ZDHHC17: variants seen among roughly 807,000 people sequenced by gnomAD.
ZDHHC17 encodes the protein zDHHC palmitoyltransferase 17, also known as palmitoyltransferase ZDHHC17.
ZDHHC17 carries 40 observed loss-of-function variants against 90.3 expected under a neutral mutation model. The ratio of observed to expected loss-of-function variants is 0.44; its 90% confidence interval spans 0.34 to 0.58. ZDHHC17 has a LOEUF of 0.58. ZDHHC17 is among the 20% of genes least tolerant of loss of function. The pLI, the probability that ZDHHC17 is intolerant of heterozygous loss-of-function variation, is 0.01. For missense variants in ZDHHC17, 614 were observed against 780.8 expected (o/e 0.79, Z 2.55); for synonymous variants, 235 against 252.4 (o/e 0.93, Z 0.65).
In ZDHHC17 at chr12:76,770,247, A is replaced by G. The variant is rs186689584; in HGVS notation, c.93+5918A>G. On this transcript the variant is annotated intron_variant, in intron 1 of 16. Coordinates refer to ENST00000426126, the MANE Select transcript of ZDHHC17 (RefSeq NM_015336.4). ...AAGTAGTACCTCAAATTGATAAACA[A>G]TTGTAGTATGCATATATTAGAGTGG... Among the ~76,000 whole-genome samples, 10 of 152,340 alleles carry G rather than the reference A, an allele frequency of 6.6e-5. No individual in the cohort carries two copies. The East Asian group carries it at 1.5e-3, about 24-fold the overall frequency.
At chr12:76,774,691 C>G (rs1351637450) in intron 1 of ZDHHC17, among the ~76,000 whole-genome samples, 3 of 152,196 alleles carry the variant, frequency 2.0e-5, no homozygotes, top group Non-Finnish European at 4.4e-5. Flanking sequence ...ACTTAATCTT[C>G]TGGGTACCTC....
chr12:76,834,776 T>A (rs998565269), intron 10 of ZDHHC17, among the ~76,000 whole-genome samples: 1 of 152,188 alleles, frequency 6.6e-6, no homozygotes, highest in Non-Finnish European at 1.5e-5. Context: ...TTCCCTCCAT[T>A]AGAGAGGTCC....
intron 14 of ZDHHC17, 44 bp from the exon 15 acceptor site, chr12:76,848,189 G>A (rs755830813): frequency 6.2e-7 from 1 of 1,605,396 alleles, no homozygotes; most frequent in Non-Finnish European, 8.5e-7. Context: ...TGAGGTGCTT[G>A]GATGATTATT....
At chr12:76,765,824 C>T (rs548413558) in intron 1 of ZDHHC17, among the ~76,000 whole-genome samples, 71 of 152,308 alleles carry the variant, frequency 4.7e-4, no homozygotes, top group African/African-American at 1.5e-3. Flanking sequence ...CCTCAGCCTC[C>T]TGAGTAGCTG....
intron 1 of ZDHHC17, among the ~76,000 whole-genome samples, chr12:76,796,929 T>C (rs893790374): frequency 4.6e-5 from 7 of 152,190 alleles, no homozygotes; most frequent in Non-Finnish European, 7.3e-5. Context: ...CTTGAGAATG[T>C]GTAAAATGGG....
intron 1 of ZDHHC17, among the ~76,000 whole-genome samples, chr12:76,765,755 C>T (rs1240422548): frequency 6.6e-6 from 1 of 152,232 alleles, no homozygotes; most frequent in Non-Finnish European, 1.5e-5. Flanking sequence ...GGCAGGAGTG[C>T]ACTGACACGA....
chr12:76,775,187 C>G (rs192295781), intron 1 of ZDHHC17, among the ~76,000 whole-genome samples: 163 of 152,242 alleles, frequency 1.1e-3, no homozygotes, highest in Middle Eastern at 0.01. Context: ...ATTTAAAGAG[C>G]ATTTTAGAAA....
At chr12:76,772,275 G>C (rs1210205142) in intron 1 of ZDHHC17, among the ~76,000 whole-genome samples, 2 of 152,128 alleles carry the variant, frequency 1.3e-5, no homozygotes, top group Non-Finnish European at 2.9e-5. Context: ...TTTGTGTTTT[G>C]TTTTTGAATT....
intron 1 of ZDHHC17, among the ~76,000 whole-genome samples, chr12:76,772,535 GTTTT>G (rs34950061): frequency 2.0e-5 from 2 of 98,584 alleles, no homozygotes. Context: ...CTTAACACTT[GTTTT>G]TTTTTTTTTT....
At chr12:76,848,137 T>C (rs1325479723) in intron 14 of ZDHHC17, 96 bp from the exon 15 acceptor site, 2 of 1,303,394 alleles carry the variant, frequency 1.5e-6, no homozygotes. Context: ...ATCTAGACTG[T>C]TTGACTATGT....
At chr12:76,765,162 G>A (rs779612528) in intron 1 of ZDHHC17, among the ~76,000 whole-genome samples, 15 of 152,152 alleles carry the variant, frequency 9.9e-5, no homozygotes, top group Non-Finnish European at 1.5e-4. Flanking sequence ...ATGCGGCAGC[G>A]GCACAGTTTG....
At chr12:76,836,769 T>C (rs979390751) in intron 10 of ZDHHC17, among the ~76,000 whole-genome samples, 1 of 152,310 alleles carries the variant, frequency 6.6e-6, no homozygotes, top group South Asian at 2.1e-4. Flanking sequence ...GAGCGACCTA[T>C]GGTAAAATCT....
chr12:76,851,005 G>A lies in ZDHHC17; in HGVS notation c.*20G>A. The A allele has an allele frequency of 6.2e-7, 1 of 1,613,226 alleles. No homozygotes were observed. ...GTGTAGCGACATCTTATCCTATGAA[G>A]CATATTGCTGAGTGGTGCCTGAAAA... On this transcript the variant is annotated 3_prime_UTR_variant, in exon 17 of 17. Coordinates refer to ENST00000426126, the MANE Select transcript of ZDHHC17 (RefSeq NM_015336.4).
chr12:76,788,688 ATTTTTTTTT>A lies in ZDHHC17; in HGVS notation c.94-8728_94-8720del, dbSNP rs763269507. On this transcript the variant is annotated intron_variant, in intron 1 of 16. Transcript: ENST00000426126. ...AAAATATATTTAAGTTGGAATCGCA[ATTTTTTTTT>A]TTTTTTTTTTTTTTTTTGAGCAGAG... 1.1e-4 allele frequency among the ~76,000 whole-genome samples: 11 copies of A among 98,646 alleles called. 2 individuals are homozygous for A. Among genetic ancestry groups the A allele is most frequent in the Admixed American group, 6.7e-4 (5 of 7,466 alleles). The allele number at this position is 98,646 out of a possible 152,430, so 64.7% of individuals were successfully genotyped here.
chr12:76,848,017 AT>A (rs931388944), intron 14 of ZDHHC17, among the ~76,000 whole-genome samples: 3 of 151,822 alleles, frequency 2.0e-5, no homozygotes, highest in East Asian at 1.9e-4. Context: ...AGATACAGTG[AT>A]TTTTTTTTAA....
At chr12:76,792,735 A>G (rs1375888538) in intron 1 of ZDHHC17, among the ~76,000 whole-genome samples, 1 of 152,196 alleles carries the variant, frequency 6.6e-6, no homozygotes, top group Non-Finnish European at 1.5e-5. Flanking sequence ...AAAAAAATAT[A>G]TGAAATCATT....
chr12:76,806,961 T>C (rs1952962034), intron 3 of ZDHHC17, among the ~76,000 whole-genome samples: 1 of 152,252 alleles, frequency 6.6e-6, no homozygotes, highest in African/African-American at 2.4e-5. Context: ...TTCTCTAATT[T>C]AATTCCTGAG....
chr12:76,853,491 G>T lies in ZDHHC17; in HGVS notation c.*2506G>T, dbSNP rs1020612708. 2 of 152,216 alleles carry T rather than the reference G, an allele frequency of 1.3e-5. No individual in the cohort carries two copies. Among genetic ancestry groups the T allele is most frequent in the Non-Finnish European group, 2.9e-5 (2 of 67,932 alleles). 9.4% of individuals were successfully genotyped at this position (152,216 alleles called of 1,614,324 possible). On this transcript the variant is annotated 3_prime_UTR_variant, in exon 17 of 17. Coordinates refer to ENST00000426126, the MANE Select transcript of ZDHHC17 (RefSeq NM_015336.4). The stretch of plus-strand genomic sequence containing the variant: ...AGGAATTTATTTGATATTAATGGGC[G>T]TAAAACAGCATCATTGTACTTAAGC...
At chr12:76,824,454 AT>A (rs1423790744) in intron 8 of ZDHHC17, among the ~76,000 whole-genome samples, 5 of 152,136 alleles carry the variant, frequency 3.3e-5, no homozygotes, top group African/African-American at 1.2e-4. Flanking sequence ...AGCATCTGTA[AT>A]TATGTAGACT....
Sources: gnomAD v4.1 joint callset for allele counts (sites outside exome capture counted in the v4.1 genomes callset) on GRCh38, gnomAD v4.1.1 for gene constraint, MANE v1.5 for transcripts, NCBI Gene and HGNC (gene_info 2026-07-23, HGNC 2026-07-21) for gene names.